SSR1: variants seen among roughly 807,000 people sequenced by gnomAD.
SSR1 encodes translocon-associated protein subunit alpha.
Under a neutral mutation model 36.1 loss-of-function variants are expected in SSR1, and 13 were observed. That is an observed-to-expected ratio of 0.36 (90% CI 0.23 to 0.57). The LOEUF (loss-of-function observed/expected upper bound fraction) is 0.57, where lower values mean the gene tolerates loss of function less well. SSR1 is among the 20% of genes least tolerant of loss of function. SSR1 has a pLI of 0.81. For synonymous variants in SSR1, 113 were observed against 118.9 expected (o/e 0.95, Z 0.32); for missense variants, 291 against 338.5 (o/e 0.86, Z 1.10).
At chr6:7,312,155 G>T (rs1199466765) in intron 1 of SSR1, among the ~76,000 whole-genome samples, 1 of 152,206 alleles carries the variant, frequency 6.6e-6, no homozygotes, top group African/African-American at 2.4e-5. Context: ...TTACAAATTA[G>T]AAAGTCGAAG....
In SSR1 at chr6:7,285,297, C is replaced by T. The variant is rs140820373; in HGVS notation, c.*4567G>A. The T allele has an allele frequency of 1.3e-5, 2 of 152,300 alleles. No homozygotes were observed. Among genetic ancestry groups the T allele is most frequent in the South Asian group, 4.1e-4 (2 of 4,830 alleles). 9.4% of individuals were successfully genotyped at this position (152,300 alleles called of 1,614,324 possible). On this transcript the variant is annotated 3_prime_UTR_variant, in exon 8 of 8. Coordinates refer to ENST00000244763, the MANE Select transcript of SSR1 (RefSeq NM_003144.5). The surrounding 1 kb of genome is among the most constrained non-coding windows in gnomAD (Gnocchi z 4.1). ...TTGGAGACTTTAAACAAGGATTATC[C>T]TTTCTACAGGCATACTGAATTTTCT...
chr6:7,295,098 C>T (rs1176713571), intron 7 of SSR1: 2 of 1,523,738 alleles, frequency 1.3e-6, no homozygotes, highest in Non-Finnish European at 1.7e-6. Flanking sequence ...CTCTTCTACT[C>T]TGCACTGAAG....
At chr6:7,294,626 GGTA>G (rs1157195947) in intron 7 of SSR1, among the ~76,000 whole-genome samples, 2 of 152,170 alleles carry the variant, frequency 1.3e-5, no homozygotes, top group African/African-American at 4.8e-5. Flanking sequence ...AGGAGGCGGA[GGTA>G]GCAGTGAGCC....
At chr6:7,292,112 C>T (rs1757698916) in intron 7 of SSR1, among the ~76,000 whole-genome samples, 1 of 152,140 alleles carries the variant, frequency 6.6e-6, no homozygotes, top group Admixed American at 6.5e-5. Context: ...ACTTGAGCTA[C>T]CACTGATGCT....
At chr6:7,301,004 A>G (rs948346897) in intron 4 of SSR1, among the ~76,000 whole-genome samples, 3 of 152,094 alleles carry the variant, frequency 2.0e-5, no homozygotes, top group Non-Finnish European at 4.4e-5. Flanking sequence ...TCCTTTTCCC[A>G]TTAAGATCCG....
rs1561826861 is a variant in SSR1, at chr6:7,286,687, G to GT, written c.*3176dup. The GT allele has an allele frequency of 6.6e-6, 1 of 152,148 alleles. No homozygotes were observed. The allele number at this position is 152,148 out of a possible 1,614,324, so 9.4% of individuals were successfully genotyped here. Reference sequence around the variant, plus strand: ...CACACTTTGGGAGGCCAAGGCAGGCGTATCACCTGTGGTCAGGAGTTCAAG... The same window carrying GT: ...CACACTTTGGGAGGCCAAGGCAGGCGTTATCACCTGTGGTCAGGAGTTCAAG... On this transcript the variant is annotated 3_prime_UTR_variant, in exon 8 of 8. Transcript: ENST00000244763.
intron 6 of SSR1, chr6:7,297,084 G>T: frequency 3.2e-6 from 1 of 316,826 alleles, no homozygotes; most frequent in Non-Finnish European, 6.4e-6. Flanking sequence ...AGCTGGGTGT[G>T]GTGGCGTGCA....
intron 7 of SSR1, among the ~76,000 whole-genome samples, chr6:7,293,705 C>T (rs1434977363): frequency 1.3e-5 from 2 of 152,134 alleles, no homozygotes; most frequent in Non-Finnish European, 2.9e-5. Context: ...TGAACCACCA[C>T]GCCTGGCCAA....
intron 1 of SSR1, among the ~76,000 whole-genome samples, chr6:7,312,405 G>A (rs1758217364): frequency 6.6e-6 from 1 of 152,212 alleles, no homozygotes; most frequent in South Asian, 2.1e-4. Flanking sequence ...TCTTCAGTCT[G>A]CTTGGCAGCA....
chr6:7,281,368 A>C lies in SSR1; in HGVS notation c.*8496T>G, dbSNP rs531501726. ...AAGGATTCATGACCCCACTTTCATT[A>C]AATAGTCCCAGAAGATAGCTAAATA... is the stretch of plus-strand genomic sequence containing the variant. On this transcript the variant is annotated 3_prime_UTR_variant, in exon 8 of 8. Coordinates refer to ENST00000244763, the MANE Select transcript of SSR1 (RefSeq NM_003144.5). The C allele has an allele frequency of 3.3e-4, 51 of 152,340 alleles. No homozygotes were observed. The highest frequency in any genetic ancestry group is 1.1e-3 in the African/African-American group (45 of 41,566). 9.4% of individuals were successfully genotyped at this position (152,340 alleles called of 1,614,324 possible).
Position 7,313,036 on chromosome 6 carries a change from C to T in SSR1, c.79+6G>A. 6.3e-7 allele frequency: 1 copy of T among 1,599,276 alleles called. No individual in the cohort carries two copies. The highest frequency in any genetic ancestry group is 8.5e-7 in the Non-Finnish European group (1 of 1,173,112). On this transcript the variant is annotated splice_donor_region_variant and intron_variant, in intron 1 of 7. Coordinates refer to ENST00000244763, the MANE Select transcript of SSR1 (RefSeq NM_003144.5). ...CCATCCCCTCCGCACACTCCCCCAG[C>T]CTCACCTCTGGGGCCGCCTCGGAAC...
chr6:7,296,018 G>A (rs897547877), intron 6 of SSR1, among the ~76,000 whole-genome samples: 7 of 152,164 alleles, frequency 4.6e-5, no homozygotes, highest in African/African-American at 1.7e-4. Flanking sequence ...CTGCTGATAT[G>A]TTACATGCAG....
At chr6:7,312,902 G>T in intron 1 of SSR1, 140 bp downstream of exon 1, 1 of 833,436 alleles carries the variant, frequency 1.2e-6, no homozygotes, top group Non-Finnish European at 1.9e-6. Context: ...ACGAGCCTAG[G>T]CTTGGGGAGA....
chr6:7,294,626 G>C (rs921529636), intron 7 of SSR1, among the ~76,000 whole-genome samples: 17 of 152,288 alleles, frequency 1.1e-4, no homozygotes, highest in African/African-American at 4.1e-4. Context: ...AGGAGGCGGA[G>C]GTAGCAGTGA....
At chr6:7,290,898 T>A (rs1757665889) in intron 7 of SSR1, among the ~76,000 whole-genome samples, 1 of 151,936 alleles carries the variant, frequency 6.6e-6, no homozygotes, top group Non-Finnish European at 1.5e-5. Flanking sequence ...TTATCAAGAA[T>A]ATTTATTTTT....
At position 7,301,290 on chromosome 6, in the gene SSR1, G is replaced by C. The variant is rs779805139; in HGVS notation, c.543+20C>G. The stretch of plus-strand genomic sequence containing the variant: ...CATCCATCTCTAACTTAAACAAAAA[G>C]AAGGTTTAGAGGATCTTACGTTCAA... On this transcript the variant is annotated intron_variant, in intron 4 of 7. Coordinates refer to ENST00000244763, the MANE Select transcript of SSR1 (RefSeq NM_003144.5). 3.1e-6 allele frequency: 5 copies of C among 1,606,538 alleles called. No homozygotes were observed. The highest frequency in any genetic ancestry group is 3.4e-6 in the Non-Finnish European group (4 of 1,177,298).
rs1433853608 is a variant in SSR1, at chr6:7,281,206, C to CAGACTAGTTCAAGCAGGAGGTT, written c.*8636_*8657dup. ...TAAAAAGATGCATTTGACAGGACAG[C>CAGACTAGTTCAAGCAGGAGGTT]AGACTAGTTCAAGCAGGAGGTTAGA... On this transcript the variant is annotated 3_prime_UTR_variant, in exon 8 of 8. Coordinates refer to ENST00000244763, the MANE Select transcript of SSR1 (RefSeq NM_003144.5). The CAGACTAGTTCAAGCAGGAGGTT allele has an allele frequency of 7.5e-6, 1 of 134,068 alleles. No homozygotes were observed. Among genetic ancestry groups the CAGACTAGTTCAAGCAGGAGGTT allele is most frequent in the Non-Finnish European group, 1.7e-5 (1 of 58,036 alleles). 8.3% of individuals were successfully genotyped at this position (134,068 alleles called of 1,614,324 possible). A position where few individuals can be genotyped will look rare whatever the true frequency, so the allele number is the denominator to read the frequency against.
At chr6:7,290,067 G>A (rs1266634564) in intron 7 of SSR1, 136 bp from the exon 8 acceptor site, 2 of 595,390 alleles carry the variant, frequency 3.4e-6, no homozygotes, top group Admixed American at 8.4e-5. Context: ...AATAATGAAT[G>A]CCTCCTATCT....
intron 2 of SSR1, among the ~76,000 whole-genome samples, chr6:7,307,538 C>A (rs1758097120): frequency 6.6e-6 from 1 of 152,130 alleles, no homozygotes; most frequent in Non-Finnish European, 1.5e-5. Flanking sequence ...CTACCCTCTA[C>A]TTATTTATTT....
Sources: gnomAD v4.1 joint callset for allele counts (sites outside exome capture counted in the v4.1 genomes callset) on GRCh38, gnomAD v4.1.1 for gene constraint, Gnocchi (gnomAD v3.1) non-coding constraint, MANE v1.5 for transcripts, NCBI Gene and HGNC (gene_info 2026-07-23, HGNC 2026-07-21) for gene names.